Variants in VPS50 observed in about 807,000 individuals in gnomAD.
The protein encoded by VPS50 is syndetin.
A neutral mutation model predicts 139.7 loss-of-function variants in VPS50; 70 were observed. The ratio of observed to expected loss-of-function variants is 0.50; its 90% CI spans 0.41 to 0.61. The LOEUF (loss-of-function observed/expected upper bound fraction) is 0.61, where lower values mean the gene tolerates loss of function less well. Ranked by LOEUF, VPS50 falls within the 20% of genes least tolerant of loss-of-function variation. The pLI is 0.00. For synonymous variants in VPS50, 365 were observed against 376.7 expected (o/e 0.97, Z 0.36); for missense variants, 921 against 1,133.7 (o/e 0.81, Z 2.69).
Position 93,256,493 on chromosome 7 carries a change from T to G in VPS50, c.298-16T>G. On this transcript the variant is annotated splice_polypyrimidine_tract_variant and intron_variant, in intron 4 of 27. Transcript: ENST00000305866. ...TTGTTCTTTTATTTCCTTTGTTTGA[T>G]TACATCTTCTTATAGGTATCTAAAA... is the stretch of plus-strand genomic sequence containing the variant. 1 of 1,259,440 alleles carries G rather than the reference T, an allele frequency of 7.9e-7. No homozygotes were observed. Among genetic ancestry groups the G allele is most frequent in the Non-Finnish European group, 1.1e-6 (1 of 915,208 alleles). 78.0% of individuals were successfully genotyped at this position (1,259,440 alleles called of 1,614,324 possible).
At chr7:93,308,747 G>A (rs1797184992) in intron 18 of VPS50, 77 bp from the exon 19 acceptor site, 1 of 641,220 alleles carries the variant, frequency 1.6e-6, no homozygotes, top group African/African-American at 1.8e-5. Flanking sequence ...ATAAAACTGA[G>A]TACTTTCACT....
chr7:93,259,356 C>T, intron 8 of VPS50, 194 bp from the exon 9 acceptor site: 1 of 414,386 alleles, frequency 2.4e-6, no homozygotes, highest in Non-Finnish European at 4.3e-6. Context: ...AATATTTCTT[C>T]TATGTATATA....
intron 17 of VPS50, among the ~76,000 whole-genome samples, chr7:93,304,218 ATAGT>A: frequency 6.6e-6 from 1 of 151,968 alleles, no homozygotes; most frequent in South Asian, 2.1e-4. Context: ...TGCAGTGCAT[ATAGT>A]TAGATCCTTG....
intron 24 of VPS50, among the ~76,000 whole-genome samples, chr7:93,349,288 T>C (rs931948870): frequency 1.3e-5 from 2 of 152,206 alleles, no homozygotes; most frequent in South Asian, 4.2e-4. Context: ...GAAAGCTTGT[T>C]AGAGTTGGGA....
At chr7:93,268,255 G>A (rs1795900519) in intron 9 of VPS50, among the ~76,000 whole-genome samples, 1 of 152,124 alleles carries the variant, frequency 6.6e-6, no homozygotes, top group Non-Finnish European at 1.5e-5. Flanking sequence ...GGTTGATGGT[G>A]TTTGTCAAAT....
chr7:93,335,028 T>C (rs1798034520), intron 22 of VPS50, among the ~76,000 whole-genome samples: 1 of 152,220 alleles, frequency 6.6e-6, no homozygotes, highest in Non-Finnish European at 1.5e-5. Flanking sequence ...TTGAAGCTTT[T>C]TATAAAGCCA....
At chr7:93,329,947 C>T (rs1797886652) in intron 21 of VPS50, among the ~76,000 whole-genome samples, 1 of 152,088 alleles carries the variant, frequency 6.6e-6, no homozygotes, top group South Asian at 2.1e-4. Context: ...AAACCTAGAT[C>T]CTCAGAAAAG....
Position 93,258,344 on chromosome 7 carries a change from T to A in VPS50, c.541-13T>A. ...GTTGAAACAGATTTTACCTTTGATT[T>A]TTGTTTTTTCAGCAAAGAACAGATG... On this transcript the variant is annotated splice_polypyrimidine_tract_variant and intron_variant, in intron 7 of 27. Coordinates refer to ENST00000305866, the MANE Select transcript of VPS50 (RefSeq NM_017667.4). The A allele has an allele frequency of 6.2e-7, 1 of 1,612,676 alleles. No individual in the cohort carries two copies. Among genetic ancestry groups the A allele is most frequent in the Non-Finnish European group, 8.5e-7 (1 of 1,179,042 alleles).
intron 18 of VPS50, among the ~76,000 whole-genome samples, chr7:93,307,152 C>T (rs765435107): frequency 5.3e-5 from 8 of 151,846 alleles, no homozygotes; most frequent in Non-Finnish European, 1.0e-4. Context: ...AACCATTACT[C>T]CCAGAGCAAA....
intron 20 of VPS50, among the ~76,000 whole-genome samples, chr7:93,321,392 A>T (rs1797609611): frequency 6.6e-6 from 1 of 152,052 alleles, no homozygotes; most frequent in Non-Finnish European, 1.5e-5. Context: ...AAGCCTCCAA[A>T]CGTCTGCTGT....
chr7:93,322,137 G>C (rs1387844707), intron 20 of VPS50, among the ~76,000 whole-genome samples: 1 of 152,094 alleles, frequency 6.6e-6, no homozygotes, highest in African/African-American at 2.4e-5. Flanking sequence ...ATGTATATTT[G>C]TATTTGTGTT....
chr7:93,269,901 G>A (rs1795954016), intron 9 of VPS50, among the ~76,000 whole-genome samples: 1 of 152,028 alleles, frequency 6.6e-6, no homozygotes, highest in South Asian at 2.1e-4. Flanking sequence ...TGCTTTGGCT[G>A]CTAGGAATTT....
At chr7:93,257,999 G>T (rs1037990042) in intron 6 of VPS50, 160 bp from the exon 7 acceptor site, 3 of 548,206 alleles carry the variant, frequency 5.5e-6, no homozygotes, top group Admixed American at 3.4e-5. Flanking sequence ...AGTAATGCTG[G>T]TTTAGACTGG....
At chr7:93,324,983 G>A (rs1316593212) in intron 21 of VPS50, among the ~76,000 whole-genome samples, 33 of 152,040 alleles carry the variant, frequency 2.2e-4, no homozygotes, top group Admixed American at 9.8e-4. Context: ...AGCCTGCATC[G>A]CCAAGTCAAT....
chr7:93,235,471 G>C (rs541399258), intron 1 of VPS50, among the ~76,000 whole-genome samples: 1 of 152,302 alleles, frequency 6.6e-6, no homozygotes, highest in African/African-American at 2.4e-5. Context: ...GGAGGTGAAT[G>C]ATGAGGCTAC....
rs576345271 is a variant in VPS50 at position 93,331,707 on chromosome 7, C to A, written c.1978-2410C>A. On this transcript the variant is annotated intron_variant, in intron 21 of 27. Transcript: ENST00000305866. ...TGCTTCTTTGAAAAGACACAAAAAGCATGAAGCATAAAAGAAAATATTGAT... is the reference window on the plus strand; with the variant it reads ...TGCTTCTTTGAAAAGACACAAAAAGAATGAAGCATAAAAGAAAATATTGAT... Among the ~76,000 whole-genome samples the A allele has an allele frequency of 4.6e-5, 7 of 152,134 alleles. No homozygotes were observed. The South Asian group carries it at 1.5e-3, about 32-fold the overall frequency.
intron 2 of VPS50, among the ~76,000 whole-genome samples, chr7:93,251,719 G>A (rs1318581841): frequency 6.6e-6 from 1 of 152,070 alleles, no homozygotes; most frequent in African/African-American, 2.4e-5. Context: ...GATAATTTTT[G>A]TACATTTCCT....
intron 20 of VPS50, among the ~76,000 whole-genome samples, chr7:93,315,817 A>T (rs1278824760): frequency 6.6e-6 from 1 of 150,704 alleles, no homozygotes; most frequent in African/African-American, 2.4e-5. Context: ...TATTGCATTC[A>T]TTAGTTTTAG....
In VPS50 at chr7:93,355,776, C is replaced by G. The variant is rs561020966; in HGVS notation, c.2586-115C>G. ...CTTATGTTCTCTATTTCCTATAACC[C>G]TCTCATTTCTGGGGAATCTGTCCAA... On this transcript the variant is annotated intron_variant, in intron 26 of 27. Transcript: ENST00000305866. The G allele has an allele frequency of 2.2e-3, 1,227 of 546,708 alleles. 1 individual carries two copies. The highest frequency in any genetic ancestry group is 3.3e-3 in the Non-Finnish European group (1,037 of 310,530). 33.9% of individuals were successfully genotyped at this position (546,708 alleles called of 1,614,324 possible).
Sources: allele counts gnomAD v4.1 joint callset (sites outside exome capture counted in the v4.1 genomes callset), GRCh38; gene constraint gnomAD v4.1.1; transcripts MANE v1.5; gene names NCBI Gene and HGNC (gene_info 2026-07-23, HGNC 2026-07-21).